Variants in ADAM10 observed in about 807,000 individuals in gnomAD.
The protein encoded by ADAM10 is disintegrin and metalloproteinase domain-containing protein 10.
In ADAM10, 17 loss-of-function variants were observed where a neutral mutation model predicts 90.1. That is an observed-to-expected ratio of 0.19 (90% CI 0.13 to 0.28). The LOEUF (loss-of-function observed/expected upper bound fraction) is 0.28. Ranked by LOEUF, ADAM10 falls within the 10% of genes least tolerant of loss-of-function variation. ADAM10 has a pLI of 1.00. For missense variants in ADAM10, 610 were observed against 914.3 expected, an observed-to-expected ratio of 0.67 and a Z score of 4.29; for synonymous variants, 310 against 298.6, an observed-to-expected ratio of 1.04 and a Z score of -0.40.
At chr15:58,659,149 T>G (rs921432405) in intron 5 of ADAM10, among the ~76,000 whole-genome samples, 8 of 152,022 alleles carry the variant, frequency 5.3e-5, no homozygotes, top group African/African-American at 1.9e-4. Context: ...GGTGCGCACC[T>G]GTAATCCCAG....
At chr15:58,721,462 A>C (rs1426702701) in intron 1 of ADAM10, among the ~76,000 whole-genome samples, 1 of 152,240 alleles carries the variant, frequency 6.6e-6, no homozygotes, top group African/African-American at 2.4e-5. Context: ...ATAATGTATG[A>C]AATTGAATTA....
At chr15:58,721,990 T>C (rs939971948) in intron 1 of ADAM10, among the ~76,000 whole-genome samples, 4 of 151,832 alleles carry the variant, frequency 2.6e-5, no homozygotes, top group Admixed American at 1.3e-4. Flanking sequence ...ACCGCACCAT[T>C]GCAATCCAGC....
intron 2 of ADAM10, among the ~76,000 whole-genome samples, chr15:58,704,933 G>C (rs571658568): frequency 6.6e-6 from 1 of 152,274 alleles, no homozygotes; most frequent in African/African-American, 2.4e-5. Context: ...GATGGAAAAA[G>C]TCAAGCTAAC....
chr15:58,698,371 A>C (rs1312446341), intron 2 of ADAM10: 3 of 392,230 alleles, frequency 7.6e-6, no homozygotes, highest in Admixed American at 3.4e-5. Flanking sequence ...CAGGAGTTTG[A>C]GACCAGCCTG....
chr15:58,745,222 C>T (rs1259266853), intron 1 of ADAM10, among the ~76,000 whole-genome samples: 1 of 152,176 alleles, frequency 6.6e-6, no homozygotes, highest in Non-Finnish European at 1.5e-5. Flanking sequence ...GTTATATGGA[C>T]ATCATCTCAT....
intron 2 of ADAM10, among the ~76,000 whole-genome samples, chr15:58,702,203 C>T (rs1239093966): frequency 1.3e-5 from 2 of 152,112 alleles, no homozygotes; most frequent in African/African-American, 4.8e-5. Context: ...CACAAAAAGA[C>T]AAACATCCCA....
In ADAM10 at chr15:58,596,894, T is replaced by C. The variant is rs1894968616; in HGVS notation, c.*653A>G. On this transcript the variant is annotated 3_prime_UTR_variant, in exon 16 of 16. Coordinates refer to ENST00000260408, the MANE Select transcript of ADAM10 (RefSeq NM_001110.4). ...TAACAGAAAGGTAAATTGATTTTCA[T>C]TTCAAAACTGCCTGTGTAAAGCATT... 1 of 154,990 alleles carries C rather than the reference T, an allele frequency of 6.5e-6. No individual in the cohort carries two copies. The highest frequency in any genetic ancestry group is 2.4e-5 in the African/African-American group (1 of 41,462). The allele number at this position is 154,990 out of a possible 1,614,324, so 9.6% of individuals were successfully genotyped here. A position where few individuals can be genotyped will look rare whatever the true frequency, so the allele number is the denominator to read the frequency against.
intron 7 of ADAM10, among the ~76,000 whole-genome samples, chr15:58,643,602 A>C (rs1331474766): frequency 6.6e-6 from 1 of 152,220 alleles, no homozygotes; most frequent in Non-Finnish European, 1.5e-5. Context: ...GAAGGGTCAG[A>C]GCTTTCTTAA....
chr15:58,724,010 C>A (rs565200189), intron 1 of ADAM10, among the ~76,000 whole-genome samples: 1 of 152,102 alleles, frequency 6.6e-6, no homozygotes, highest in African/African-American at 2.4e-5. Context: ...GCAGGTGGAT[C>A]ACCCAAGGTC....
At chr15:58,674,871 AG>A (rs1366829716) in intron 4 of ADAM10, among the ~76,000 whole-genome samples, 1 of 152,232 alleles carries the variant, frequency 6.6e-6, no homozygotes, top group Non-Finnish European at 1.5e-5. Context: ...ATTCTAAAGT[AG>A]GGGTGCCCTA....
intron 9 of ADAM10, among the ~76,000 whole-genome samples, chr15:58,630,677 T>C (rs1396092587): frequency 2.0e-5 from 3 of 152,160 alleles, no homozygotes; most frequent in African/African-American, 7.2e-5. Flanking sequence ...ATAGGATAAA[T>C]ACATTTAAGA....
intron 4 of ADAM10, among the ~76,000 whole-genome samples, chr15:58,675,311 T>G (rs1897285126): frequency 6.6e-6 from 1 of 152,204 alleles, no homozygotes; most frequent in African/African-American, 2.4e-5. Context: ...TTAAAATATA[T>G]TTTTTAATTT....
At chr15:58,691,049 C>G (rs1897767896) in intron 2 of ADAM10, 1 of 579,784 alleles carries the variant, frequency 1.7e-6, no homozygotes, top group South Asian at 1.5e-5. Context: ...TATAACCCAT[C>G]ATAGAGTTGT....
In ADAM10 at chr15:58,594,587, G is replaced by T. The variant is rs1894902496; in HGVS notation, c.*2960C>A. 6.6e-6 allele frequency: 1 copy of T among 152,124 alleles called. No individual in the cohort carries two copies. The highest frequency in any genetic ancestry group is 6.5e-5 in the Admixed American group (1 of 15,270). The allele number at this position is 152,124 out of a possible 1,614,324, so 9.4% of individuals were successfully genotyped here. Reference sequence around the variant, plus strand: ...TTCCCCAAACTGCATGACATTGCTTGACACTACAGGGAATGCTAAATCCAG... The same window carrying T: ...TTCCCCAAACTGCATGACATTGCTTTACACTACAGGGAATGCTAAATCCAG... On this transcript the variant is annotated 3_prime_UTR_variant, in exon 16 of 16. Transcript: ENST00000260408.
intron 2 of ADAM10, among the ~76,000 whole-genome samples, chr15:58,689,491 A>T: frequency 6.6e-6 from 1 of 152,132 alleles, no homozygotes; most frequent in East Asian, 1.9e-4. Flanking sequence ...GTCTCCACAA[A>T]AATAATAATA....
chr15:58,634,036 C>T (rs759223475), intron 8 of ADAM10, among the ~76,000 whole-genome samples: 2 of 151,874 alleles, frequency 1.3e-5, no homozygotes, highest in Non-Finnish European at 2.9e-5. Flanking sequence ...CACTGCTGAG[C>T]GCAGTGGCTC....
At chr15:58,741,055 T>C (rs977411919) in intron 1 of ADAM10, among the ~76,000 whole-genome samples, 4 of 152,202 alleles carry the variant, frequency 2.6e-5, no homozygotes, top group African/African-American at 7.2e-5. Context: ...AGTAAATTAA[T>C]ACCCCATCAA....
At chr15:58,618,069 A>C (rs1895672295) in intron 11 of ADAM10, among the ~76,000 whole-genome samples, 1 of 152,172 alleles carries the variant, frequency 6.6e-6, no homozygotes. Context: ...AAACCACAGA[A>C]GCCAATAGCC....
intron 10 of ADAM10, among the ~76,000 whole-genome samples, chr15:58,623,271 C>T (rs1895842126): frequency 6.6e-6 from 1 of 152,170 alleles, no homozygotes; most frequent in Non-Finnish European, 1.5e-5. Context: ...AAGAAAGGAT[C>T]TGGGACAAAG....
Sources: gnomAD v4.1 joint callset for allele counts (sites outside exome capture counted in the v4.1 genomes callset) on GRCh38, gnomAD v4.1.1 for gene constraint, MANE v1.5 for transcripts, NCBI Gene and HGNC (gene_info 2026-07-23, HGNC 2026-07-21) for gene names.